Variants in IRAG1 observed in about 807,000 individuals in gnomAD.
IRAG1 encodes the protein inositol 1,4,5-triphosphate receptor associated 1, also known as IP3R-associated cGMP kinase substrate.
A neutral mutation model predicts 106.2 loss-of-function variants in IRAG1; 62 were observed. The ratio of observed to expected loss-of-function variants is 0.58; its 90% CI spans 0.48 to 0.72. The LOEUF is 0.72. Ranked by LOEUF, IRAG1 falls within the 30% of genes least tolerant of loss-of-function variation. IRAG1 has a pLI of 0.00. For synonymous variants in IRAG1, 462 were observed against 443.9 expected (o/e 1.04, Z -0.51); for missense variants, 1,064 against 1,140.7 (o/e 0.93, Z 0.97).
intron 10 of IRAG1, among the ~76,000 whole-genome samples, chr11:10,618,223 C>G (rs989483445): frequency 3.3e-5 from 5 of 152,140 alleles, no homozygotes; most frequent in Admixed American, 6.6e-5. Context: ...ATGACTTTCT[C>G]TTCCCCAGCT....
chr11:10,676,981 G>A (rs1860732908), intron 1 of IRAG1, among the ~76,000 whole-genome samples: 1 of 152,140 alleles, frequency 6.6e-6, no homozygotes, highest in Admixed American at 6.5e-5. Flanking sequence ...TGCACTGACT[G>A]TTCTCAAACA....
At chr11:10,680,110 T>G (rs945693011) in intron 1 of IRAG1, among the ~76,000 whole-genome samples, 7 of 151,422 alleles carry the variant, frequency 4.6e-5, no homozygotes, top group Non-Finnish European at 1.0e-4. Context: ...CTGTCTCTAC[T>G]AAAAATACAA....
intron 12 of IRAG1, among the ~76,000 whole-genome samples, chr11:10,605,605 C>T (rs570482440): frequency 5.9e-5 from 9 of 152,288 alleles, no homozygotes; most frequent in South Asian, 4.1e-4. Flanking sequence ...CACGGAGTAA[C>T]GGAGCCAGGA....
intron 10 of IRAG1, among the ~76,000 whole-genome samples, chr11:10,622,876 G>GACACACCACACAC (rs1855940641): frequency 7.1e-6 from 1 of 141,384 alleles, no homozygotes; most frequent in South Asian, 2.3e-4. Flanking sequence ...GTAAGCAGTG[G>GACACACCACACAC]ACACACACAC....
chr11:10,624,577 C>T (rs1225429483), intron 9 of IRAG1, among the ~76,000 whole-genome samples: 2 of 152,116 alleles, frequency 1.3e-5, no homozygotes, highest in Non-Finnish European at 2.9e-5. Flanking sequence ...CTTCAGTCTG[C>T]TGTGTGGCAG....
chr11:10,619,469 G>A (rs771636536), intron 10 of IRAG1, among the ~76,000 whole-genome samples: 1 of 152,132 alleles, frequency 6.6e-6, no homozygotes, highest in Non-Finnish European at 1.5e-5. Flanking sequence ...GGGAGGGGAC[G>A]GGGCTCTTTG....
intron 1 of IRAG1, among the ~76,000 whole-genome samples, chr11:10,666,111 G>C (rs914195297): frequency 6.6e-6 from 1 of 152,196 alleles, no homozygotes; most frequent in Non-Finnish European, 1.5e-5. Flanking sequence ...AGTAACCATA[G>C]AGAATTTCTC....
intron 11 of IRAG1, among the ~76,000 whole-genome samples, chr11:10,607,575 T>C (rs1304138370): frequency 6.6e-6 from 1 of 152,146 alleles, no homozygotes. Flanking sequence ...GTCCACACAA[T>C]GTAAATAATG....
rs1157588599 is a variant in IRAG1, at chr11:10,626,067, CA to C, written c.1266del (p.Phe422LeufsTer30). 5.9e-6 allele frequency: 9 copies of C among 1,532,546 alleles called. No individual in the cohort carries two copies. Among genetic ancestry groups the C allele is most frequent in the Non-Finnish European group, 7.9e-6 (9 of 1,140,048 alleles). 94.9% of individuals were successfully genotyped at this position (1,532,546 alleles called of 1,614,324 possible). A position where few individuals can be genotyped will look rare whatever the true frequency, so the allele number is the denominator to read the frequency against. On this transcript the variant is annotated frameshift_variant, in exon 9 of 21. Coordinates refer to ENST00000423302, the MANE Select transcript of IRAG1 (RefSeq NM_130385.4). LOFTEE classifies it high-confidence loss of function. ...GCCAGCTTGCCGCCGGCCTTGCCTG[CA>C]AAACGCTTTTCTTCCTCTGCCAGTG... is the stretch of plus-strand genomic sequence containing the variant. ...KLPLAEEEKR[F>X]AGKAGGKLAK...
At chr11:10,688,364 G>A (rs1861817195) in intron 1 of IRAG1, among the ~76,000 whole-genome samples, 2 of 152,116 alleles carry the variant, frequency 1.3e-5, no homozygotes, top group Admixed American at 6.5e-5. Flanking sequence ...CTGACTCAGA[G>A]CCCGGGGTTA....
At chr11:10,644,994 C>T (rs1299613548) in intron 2 of IRAG1, among the ~76,000 whole-genome samples, 2 of 152,182 alleles carry the variant, frequency 1.3e-5, no homozygotes, top group African/African-American at 2.4e-5. Flanking sequence ...AACAAGTCTC[C>T]TCCAGGTCCT....
rs535851624 is a variant in IRAG1 at position 10,614,318 on chromosome 11, C to A, written c.1448-4467G>T. Among the ~76,000 whole-genome samples the A allele has an allele frequency of 2.0e-5, 3 of 152,242 alleles. No homozygotes were observed. In the South Asian group the frequency reaches 6.2e-4, roughly 32 times the overall value. On this transcript the variant is annotated intron_variant, in intron 10 of 20. Transcript: ENST00000423302. ...ATACCATACCTGATTAAAACAAATG[C>A]CAGGTCCAAAGTTTAGATTAAATTT...
chr11:10,652,767 A>C (rs981881191), intron 1 of IRAG1, among the ~76,000 whole-genome samples: 4 of 151,976 alleles, frequency 2.6e-5, no homozygotes, highest in Non-Finnish European at 5.9e-5. Flanking sequence ...GTGGATGGGG[A>C]GTAAGAGGTG....
In IRAG1 at chr11:10,659,399, T is replaced by C. The variant is rs1859220971; in HGVS notation, c.68-7217A>G. Among the ~76,000 whole-genome samples, 1 of 152,160 alleles carries C rather than the reference T, an allele frequency of 6.6e-6. No individual in the cohort carries two copies. Among genetic ancestry groups the C allele is most frequent in the South Asian group, 2.1e-4 (1 of 4,826 alleles). ...AGGGCGGAGATGCAGGGAGAAAGCC[T>C]CGGTGGCAACAGAAAAGGGAGGATG... On this transcript the variant is annotated intron_variant, in intron 1 of 20. Transcript: ENST00000423302. This position sits in a 1 kb window ranked among gnomAD's most constrained non-coding sequence, Gnocchi z 4.1.
intron 1 of IRAG1, among the ~76,000 whole-genome samples, chr11:10,671,605 A>G (rs943927050): frequency 6.6e-6 from 1 of 152,002 alleles, no homozygotes; most frequent in African/African-American, 2.4e-5. Flanking sequence ...CCAGCTACTC[A>G]GGAGGCTGAG....
chr11:10,648,413 A>T (rs2134850184), intron 2 of IRAG1, among the ~76,000 whole-genome samples: 1 of 152,342 alleles, frequency 6.6e-6, no homozygotes, highest in Middle Eastern at 3.4e-3. Flanking sequence ...ACCTCAAGAG[A>T]TTCCAATTCA....
chr11:10,672,743 G>A (rs1312800733), intron 1 of IRAG1, among the ~76,000 whole-genome samples: 14 of 152,174 alleles, frequency 9.2e-5, no homozygotes, highest in African/African-American at 2.7e-4. Context: ...TGGCGTAACC[G>A]CTTTGGAAAA....
Position 10,647,978 on chromosome 11 carries a change from G to C in IRAG1, c.225+4047C>G, listed in dbSNP as rs1858108093. ...GCAGAACCGAGGGAGAGTCTTGGGG[G>C]AGGCAGATTCCAGCCTGACCAGGAC... On this transcript the variant is annotated intron_variant, in intron 2 of 20. Transcript: ENST00000423302. The surrounding 1 kb of genome is among the most constrained non-coding windows in gnomAD (Gnocchi z 4.3). Among the ~76,000 whole-genome samples the C allele has an allele frequency of 6.6e-6, 1 of 152,194 alleles. No homozygotes were observed. The highest frequency in any genetic ancestry group is 2.4e-5 in the African/African-American group (1 of 41,442).
chr11:10,599,264 C>T (rs999119980), intron 15 of IRAG1, among the ~76,000 whole-genome samples: 3 of 152,160 alleles, frequency 2.0e-5, no homozygotes, highest in Non-Finnish European at 1.5e-5. Context: ...CCCTTTACCT[C>T]TATATTCCAG....
Sources: allele counts gnomAD v4.1 joint callset (sites outside exome capture counted in the v4.1 genomes callset), GRCh38; gene constraint gnomAD v4.1.1; non-coding constraint Gnocchi (gnomAD v3.1); transcripts MANE v1.5; gene names NCBI Gene and HGNC (gene_info 2026-07-23, HGNC 2026-07-21).